FAM118B: variants seen among roughly 807,000 people sequenced by gnomAD.
FAM118B encodes protein FAM118B.
FAM118B carries 24 observed loss-of-function variants against 38.5 expected under a neutral mutation model. The observed-to-expected ratio is 0.62, with a 90% confidence interval of 0.45 to 0.88. The LOEUF (loss-of-function observed/expected upper bound fraction) is 0.88. Among genes scored for constraint, FAM118B ranks in the 40% least tolerant of loss-of-function variants. The pLI, the probability that FAM118B is intolerant of heterozygous loss-of-function variation, is 0.00. For missense variants in FAM118B, 334 were observed against 420.0 expected, an observed-to-expected ratio of 0.80 and a Z score of 1.79; for synonymous variants, 138 against 156.3, an observed-to-expected ratio of 0.88 and a Z score of 0.87.
In FAM118B at chr11:126,250,432, T is replaced by C. The variant is rs193197145; in HGVS notation, c.340-74T>C. ...ATTCAAAATATTCTTCCAAAATTTG[T>C]TACTGCTGTAACTAAAACAACTGAC... is the stretch of plus-strand genomic sequence containing the variant. On this transcript the variant is annotated intron_variant, in intron 4 of 8. Coordinates refer to ENST00000533050, the MANE Select transcript of FAM118B (RefSeq NM_024556.4). The surrounding 1 kb of genome is among the most constrained non-coding windows in gnomAD (Gnocchi z 5.1). 1.9e-4 allele frequency: 185 copies of C among 989,624 alleles called. 2 individuals are homozygous for C. The African/African-American group carries it at 2.6e-3, about 14-fold the overall frequency. 61.3% of individuals were successfully genotyped at this position (989,624 alleles called of 1,614,324 possible). A position where few individuals can be genotyped will look rare whatever the true frequency, so the allele number is the denominator to read the frequency against.
intron 4 of FAM118B, among the ~76,000 whole-genome samples, chr11:126,243,630 G>A (rs1480360742): frequency 6.6e-6 from 1 of 152,142 alleles, no homozygotes; most frequent in African/African-American, 2.4e-5. Context: ...CAGGCCAGGT[G>A]CGGTGGCTCA....
chr11:126,227,520 G>C (rs908891394), intron 1 of FAM118B, among the ~76,000 whole-genome samples: 14 of 152,198 alleles, frequency 9.2e-5, no homozygotes, highest in African/African-American at 3.4e-4. Context: ...ATTGTGTAAT[G>C]ATGAATGAAT....
intron 1 of FAM118B, among the ~76,000 whole-genome samples, chr11:126,225,643 C>T (rs777686350): frequency 3.2e-4 from 49 of 152,174 alleles, no homozygotes; most frequent in Non-Finnish European, 6.3e-4. Context: ...CAGTTTGAAT[C>T]CTCTTCTCTG....
chr11:126,243,453 G>A (rs981789754), intron 4 of FAM118B, among the ~76,000 whole-genome samples: 1 of 149,830 alleles, frequency 6.7e-6, no homozygotes, highest in Non-Finnish European at 1.5e-5. Context: ...GACAGAGCAA[G>A]ACCCTGTCTG....
chr11:126,228,881 A>G (rs1236777694), intron 1 of FAM118B, among the ~76,000 whole-genome samples: 1 of 152,196 alleles, frequency 6.6e-6, no homozygotes, highest in Non-Finnish European at 1.5e-5. Context: ...CTCATAGAGA[A>G]TATCCTTTAT....
intron 2 of FAM118B, among the ~76,000 whole-genome samples, chr11:126,231,528 A>G (rs1025448145): frequency 6.6e-6 from 1 of 152,200 alleles, no homozygotes; most frequent in Non-Finnish European, 1.5e-5. Flanking sequence ...TAAAGAAAAT[A>G]TGTTTCTCTG....
In FAM118B at chr11:126,262,120, G is replaced by T; in HGVS notation, c.1043G>T (p.Gly348Val). 6.2e-7 allele frequency: 1 copy of T among 1,613,986 alleles called. No individual in the cohort carries two copies. The highest frequency in any genetic ancestry group is 8.5e-7 in the Non-Finnish European group (1 of 1,180,002). Residue 348 changes from glycine to valine, a missense_variant and splice_region_variant, in exon 9 of 9, where the codon GGC becomes GTC. Physicochemically the swap from Gly to Val is moderately radical, Grantham distance 109 (BLOSUM62 -3). Transcript: ENST00000533050. ...TGTTCTCTTTTCTTTCTCCCTACAGGCTGTAGTACATGAGCGAGCTAGAGA... is the reference window on the plus strand; with the variant it reads ...TGTTCTCTTTTCTTTCTCCCTACAGTCTGTAGTACATGAGCGAGCTAGAGA... ...GSSAAHSEIR[G>V]CST
chr11:126,237,182 C>T (rs1301840201), intron 3 of FAM118B, among the ~76,000 whole-genome samples: 1 of 139,352 alleles, frequency 7.2e-6, no homozygotes, highest in Non-Finnish European at 1.5e-5. Context: ...TCCTAAAGTG[C>T]AGGGATTACA....
chr11:126,219,704 C>T (rs1052532150), intron 1 of FAM118B, among the ~76,000 whole-genome samples: 2 of 152,084 alleles, frequency 1.3e-5, no homozygotes, highest in Non-Finnish European at 2.9e-5. Context: ...GGAGTCTCGT[C>T]CATGGGGCTG....
chr11:126,213,087 G>A (rs541566622), intron 1 of FAM118B, among the ~76,000 whole-genome samples: 49 of 152,186 alleles, frequency 3.2e-4, no homozygotes, highest in Non-Finnish European at 4.1e-4. Context: ...GCAGGTCAAG[G>A]CGTACTCTTG....
At chr11:126,243,569 A>C (rs1365286705) in intron 4 of FAM118B, among the ~76,000 whole-genome samples, 1 of 152,128 alleles carries the variant, frequency 6.6e-6, no homozygotes, top group East Asian at 1.9e-4. Flanking sequence ...AGTACCCATG[A>C]GGAAGTCAGA....
intron 4 of FAM118B, among the ~76,000 whole-genome samples, chr11:126,248,269 A>G (rs1320343060): frequency 1.3e-5 from 2 of 151,140 alleles, no homozygotes; most frequent in African/African-American, 2.4e-5. Context: ...TCATAGGGCA[A>G]ATGGATTTGT....
At chr11:126,242,125 A>G (rs187921112) in intron 4 of FAM118B, among the ~76,000 whole-genome samples, 88 of 152,196 alleles carry the variant, frequency 5.8e-4, no homozygotes, top group African/African-American at 2.1e-3. Context: ...CCTAAATATG[A>G]TACCTAAAAC....
At chr11:126,214,503 G>GTTTTTTTTGT (rs1949948142) in intron 1 of FAM118B, 1 of 28,256 alleles carries the variant, frequency 3.5e-5, no homozygotes, top group Non-Finnish European at 7.5e-5. Context: ...TTTTTTTTTT[G>GTTTTTTTTGT]TTTTTTTTTT....
At chr11:126,232,671 ATTTT>A (rs999918565) in intron 2 of FAM118B, among the ~76,000 whole-genome samples, 4 of 151,750 alleles carry the variant, frequency 2.6e-5, no homozygotes, top group Admixed American at 6.6e-5. Context: ...TAAAAAATAT[ATTTT>A]TTTAAGTTTT....
At chr11:126,221,705 G>A (rs1001781505) in intron 1 of FAM118B, among the ~76,000 whole-genome samples, 1 of 151,982 alleles carries the variant, frequency 6.6e-6, no homozygotes, top group Admixed American at 6.6e-5. Context: ...AGTATGTAAA[G>A]GGAATAGACT....
intron 1 of FAM118B, 30 bp downstream of exon 1, chr11:126,211,860 TG>T: frequency 1.8e-6 from 1 of 553,878 alleles, no homozygotes; most frequent in East Asian, 3.0e-5. Context: ...GGGCTGGGGC[TG>T]GGAAATGCCG....
Position 126,252,885 on chromosome 11 carries a change from AC to A in FAM118B, c.568-1419del, listed in dbSNP as rs1004265406. 6.6e-6 allele frequency among the ~76,000 whole-genome samples: 1 copy of A among 152,064 alleles called. No individual in the cohort carries two copies. Among genetic ancestry groups the A allele is most frequent in the African/African-American group, 2.4e-5 (1 of 41,394 alleles). ...CCCCGTCTTTACTAAGAATACAAAA[AC>A]TAGCTGGGAGTGGTGGTGCACGCCT... On this transcript the variant is annotated intron_variant, in intron 5 of 8. Coordinates refer to ENST00000533050, the MANE Select transcript of FAM118B (RefSeq NM_024556.4). The surrounding 1 kb of genome is among the most constrained non-coding windows in gnomAD (Gnocchi z 4.7).
In FAM118B at chr11:126,241,158, T is replaced by C. The variant is rs1435384039; in HGVS notation, c.339+114T>C. ...GCCAAATGTAACAGGGATATTCATT[T>C]ACAGCTTGTAGGTTTCCATAACATT... is the stretch of plus-strand genomic sequence containing the variant. On this transcript the variant is annotated intron_variant, in intron 4 of 8. Coordinates refer to ENST00000533050, the MANE Select transcript of FAM118B (RefSeq NM_024556.4). 2.6e-6 allele frequency: 3 copies of C among 1,142,590 alleles called. No homozygotes were observed. In the African/African-American group the frequency reaches 4.7e-5, roughly 18 times the overall value. The allele number at this position is 1,142,590 out of a possible 1,614,324, so 70.8% of individuals were successfully genotyped here.
Sources: allele counts gnomAD v4.1 joint callset (sites outside exome capture counted in the v4.1 genomes callset), GRCh38; gene constraint gnomAD v4.1.1; non-coding constraint Gnocchi (gnomAD v3.1); transcripts MANE v1.5; gene names NCBI Gene and HGNC (gene_info 2026-07-23, HGNC 2026-07-21).